Variants in SOHLH2 observed in about 807,000 individuals in gnomAD.
SOHLH2 encodes the protein spermatogenesis and oogenesis specific basic helix-loop-helix 2, also known as spermatogenesis- and oogenesis-specific basic helix-loop-helix-containing protein 2.
SOHLH2 carries 22 observed loss-of-function variants against 50.4 expected under a neutral mutation model. That is an observed-to-expected ratio of 0.44 (90% CI 0.31 to 0.62). SOHLH2 has a LOEUF of 0.62. SOHLH2 is among the 20% of genes least tolerant of loss of function. The pLI, the probability that SOHLH2 is intolerant of heterozygous loss-of-function variation, is 0.08. For missense variants in SOHLH2, 412 were observed against 504.4 expected, an observed-to-expected ratio of 0.82 and a Z score of 1.76; for synonymous variants, 185 against 187.3, an observed-to-expected ratio of 0.99 and a Z score of 0.10.
At position 36,208,921 on chromosome 13, in the gene SOHLH2, C is replaced by T. The variant is rs114099256; in HGVS notation, c.48+5558G>A. Among the ~76,000 whole-genome samples the T allele has an allele frequency of 2.0e-3, 300 of 152,300 alleles. 1 individual carries two copies. Among genetic ancestry groups the T allele is most frequent in the African/African-American group, 6.8e-3 (282 of 41,568 alleles). On this transcript the variant is annotated intron_variant, in intron 1 of 10. Coordinates refer to ENST00000379881, the MANE Select transcript of SOHLH2 (RefSeq NM_017826.3). ...TGCTAATGAAAAGAATAAGCTGCTTCGTTCCTTTGGATGCTTTTCTCCTCT... is the reference window on the plus strand; with the variant it reads ...TGCTAATGAAAAGAATAAGCTGCTTTGTTCCTTTGGATGCTTTTCTCCTCT...
At position 36,170,626 on chromosome 13, in the gene SOHLH2, G is replaced by C. The variant is rs1452004332; in HGVS notation, c.1162C>G (p.His388Asp). The C allele has an allele frequency of 6.2e-7, 1 of 1,614,174 alleles. No individual in the cohort carries two copies. Among genetic ancestry groups the C allele is most frequent in the South Asian group, 1.1e-5 (1 of 91,078 alleles). ...ACCGGGGGCATGGCTGAAGGTAAATGAATTGAAATGTTCTGATTTGTTACA... is the reference window on the plus strand; with the variant it reads ...ACCGGGGGCATGGCTGAAGGTAAATCAATTGAAATGTTCTGATTTGTTACA... Reference protein sequence around the residue: ...TAVTNQNISIHLPSAMPPVSK... With the variant: ...TAVTNQNISIDLPSAMPPVSK... The change falls in exon 10 of 11, where the codon CAT becomes GAT. Residue 388 changes from histidine (H) to aspartate (D), a missense_variant. By Grantham distance (81) the His-to-Asp change is moderately conservative (BLOSUM62 -1). Coordinates refer to ENST00000379881, the MANE Select transcript of SOHLH2 (RefSeq NM_017826.3).
rs574393427 is a variant in SOHLH2, at chr13:36,213,855, A to G, written c.48+624T>C. ...TGAAAATAAGCATGCCCAGCTGTGC[A>G]GAGACGGGAATGCAGGAAAATAACG... On this transcript the variant is annotated intron_variant, in intron 1 of 10. Transcript: ENST00000379881. Among the ~76,000 whole-genome samples the G allele has an allele frequency of 4.1e-4, 63 of 152,260 alleles. 1 individual carries two copies. Among genetic ancestry groups the G allele is most frequent in the South Asian group, 3.7e-3 (18 of 4,820 alleles).
At chr13:36,180,327 T>G (rs894143080) in intron 6 of SOHLH2, among the ~76,000 whole-genome samples, 1 of 152,226 alleles carries the variant, frequency 6.6e-6, no homozygotes, top group Admixed American at 6.5e-5. Context: ...TTTGTTTTAC[T>G]TTGTCTTGCT....
intron 6 of SOHLH2, among the ~76,000 whole-genome samples, chr13:36,176,679 G>C (rs1410019494): frequency 6.6e-6 from 1 of 152,066 alleles, no homozygotes; most frequent in Non-Finnish European, 1.5e-5. Context: ...CCATCAGAAA[G>C]AAAAGGTGCC....
In SOHLH2 at chr13:36,182,498, C is replaced by G. The variant is rs192047597; in HGVS notation, c.641+7448G>C. 11 of 160,524 alleles carry G rather than the reference C, an allele frequency of 6.9e-5. No individual in the cohort carries two copies. In the Admixed American group the frequency reaches 7.2e-4, roughly 11 times the overall value. The allele number at this position is 160,524 out of a possible 1,614,324, so 9.9% of individuals were successfully genotyped here. On this transcript the variant is annotated intron_variant, in intron 6 of 10. Coordinates refer to ENST00000379881, the MANE Select transcript of SOHLH2 (RefSeq NM_017826.3). Reference sequence around the variant, plus strand: ...CACACTGGTCTCATGGAATCCTAAGCCTTCATGTAAGAGGTCCTTCTAGCT... The same window carrying G: ...CACACTGGTCTCATGGAATCCTAAGGCTTCATGTAAGAGGTCCTTCTAGCT...
At chr13:36,193,898 G>A in intron 2 of SOHLH2, 31 bp from the exon 3 acceptor site, 1 of 1,578,948 alleles carries the variant, frequency 6.3e-7, no homozygotes, top group Non-Finnish European at 8.6e-7. Flanking sequence ...TTAAAATGAA[G>A]CAAAATCATT....
At chr13:36,186,948 C>G (rs1187115993) in intron 6 of SOHLH2, among the ~76,000 whole-genome samples, 1 of 151,988 alleles carries the variant, frequency 6.6e-6, no homozygotes, top group African/African-American at 2.4e-5. Flanking sequence ...AGAAAGGAAA[C>G]AGACTAGAAG....
intron 1 of SOHLH2, among the ~76,000 whole-genome samples, chr13:36,206,407 C>T (rs1247109647): frequency 1.3e-5 from 2 of 151,930 alleles, no homozygotes; most frequent in Non-Finnish European, 2.9e-5. Context: ...GTTGATAGTT[C>T]CATTTTAATC....
chr13:36,193,599 C>A, intron 4 of SOHLH2, 22 bp downstream of exon 4: 1 of 1,573,240 alleles, frequency 6.4e-7, no homozygotes, highest in Non-Finnish European at 8.6e-7. Flanking sequence ...AATTTTGAAA[C>A]CTTTGGAAAT....
intron 10 of SOHLH2, among the ~76,000 whole-genome samples, chr13:36,169,454 T>C (rs1235905960): frequency 6.6e-6 from 1 of 152,204 alleles, no homozygotes; most frequent in Admixed American, 6.5e-5. Context: ...AAGGTCACTA[T>C]TATTCCCATT....
At position 36,170,573 on chromosome 13, in the gene SOHLH2, A is replaced by G. The variant is rs780660697; in HGVS notation, c.1215T>C (p.Thr405=). 44 of 1,614,036 alleles carry G rather than the reference A, an allele frequency of 2.7e-5. No homozygotes were observed. The South Asian group carries it at 4.6e-4, about 17-fold the overall frequency. The change falls in exon 10 of 11, where the codon ACT becomes ACC. Residue 405 remains threonine (T), a synonymous_variant. Transcript: ENST00000379881. The part of the protein sequence containing the change: ...PVSKLLPRHC[T]SGLGQTCTTH... ...TAGTGCACGTCTGGCCCAACCCAGA[A>G]GTGCAGTGCCGAGGGAGAAGCTTTG... is the stretch of plus-strand genomic sequence containing the variant.
intron 1 of SOHLH2, among the ~76,000 whole-genome samples, chr13:36,209,636 C>A (rs1456019775): frequency 6.6e-6 from 1 of 152,176 alleles, no homozygotes; most frequent in African/African-American, 2.4e-5. Context: ...ACCCCACCTG[C>A]TAACGCCATC....
At chr13:36,184,923 C>T (rs1887372853) in intron 6 of SOHLH2, among the ~76,000 whole-genome samples, 1 of 152,098 alleles carries the variant, frequency 6.6e-6, no homozygotes, top group African/African-American at 2.4e-5. Flanking sequence ...CTCCCCTTTC[C>T]CCTCAACCCC....
chr13:36,175,650 A>G (rs1408835121), intron 6 of SOHLH2, among the ~76,000 whole-genome samples: 2 of 152,198 alleles, frequency 1.3e-5, no homozygotes, highest in Admixed American at 6.5e-5. Flanking sequence ...TGGCTCTGCT[A>G]TTACTAACTG....
At chr13:36,169,478 A>T (rs752439510) in intron 10 of SOHLH2, among the ~76,000 whole-genome samples, 1 of 152,198 alleles carries the variant, frequency 6.6e-6, no homozygotes, top group Admixed American at 6.5e-5. Context: ...TAGATGTCAT[A>T]TGAAGATTGT....
chr13:36,191,705 A>G (rs1327373685), intron 5 of SOHLH2, 90 bp downstream of exon 5: 4 of 1,492,396 alleles, frequency 2.7e-6, no homozygotes, highest in Non-Finnish European at 3.7e-6. Flanking sequence ...TCTTAAGTAC[A>G]GCAAATGCTG....
intron 1 of SOHLH2, among the ~76,000 whole-genome samples, 170 bp downstream of exon 1, chr13:36,214,309 G>T (rs1257734137): frequency 1.3e-5 from 2 of 152,034 alleles, no homozygotes; most frequent in African/African-American, 4.8e-5. Context: ...CGGGGCGCCG[G>T]GGGAGAGTGG....
intron 6 of SOHLH2, among the ~76,000 whole-genome samples, chr13:36,186,481 A>G (rs565190610): frequency 6.6e-6 from 1 of 152,306 alleles, no homozygotes; most frequent in South Asian, 2.1e-4. Context: ...GAACCCTCTG[A>G]GAACTGCCTG....
At chr13:36,189,823 C>A (rs1887523439) in intron 6 of SOHLH2, 123 bp downstream of exon 6, 1 of 923,232 alleles carries the variant, frequency 1.1e-6, no homozygotes, top group Non-Finnish European at 1.5e-6. Context: ...TGAGTGGCAT[C>A]TATTTGTTTG....
Sources: gnomAD v4.1 joint callset for allele counts (sites outside exome capture counted in the v4.1 genomes callset) on GRCh38, gnomAD v4.1.1 for gene constraint, MANE v1.5 for transcripts, NCBI Gene and HGNC (gene_info 2026-07-23, HGNC 2026-07-21) for gene names.